The following GMDS variants were observed in gnomAD, a reference collection of about 807,000 sequenced individuals.
GMDS encodes the protein GDP-mannose 4,6-dehydratase, also known as GDP-mannose 4,6 dehydratase.
Under a neutral mutation model 49.9 loss-of-function variants are expected in GMDS, and 20 were observed. The observed-to-expected ratio is 0.40, with a 90% CI of 0.28 to 0.58. The LOEUF is 0.58. GMDS is among the 20% of genes least tolerant of loss of function. GMDS has a pLI of 0.42. For missense variants in GMDS, 362 were observed against 481.4 expected, an observed-to-expected ratio of 0.75 and a Z score of 2.32; for synonymous variants, 177 against 178.6, an observed-to-expected ratio of 0.99 and a Z score of 0.07.
At chr6:2,182,935 T>C (rs1005276354) in intron 1 of GMDS, among the ~76,000 whole-genome samples, 9 of 152,306 alleles carry the variant, frequency 5.9e-5, no homozygotes, top group Admixed American at 5.9e-4. Context: ...CTCAAGCTCC[T>C]GGGCTCAAAC....
intron 7 of GMDS, among the ~76,000 whole-genome samples, chr6:1,798,237 G>GCACACACACA (rs70992103): frequency 3.5e-5 from 5 of 143,448 alleles, no homozygotes; most frequent in African/African-American, 1.0e-4. Context: ...TAATTACAGA[G>GCACACACACA]CACACACACA....
intron 4 of GMDS, among the ~76,000 whole-genome samples, chr6:2,003,441 C>T (rs1316973242): frequency 1.3e-5 from 2 of 152,080 alleles, no homozygotes; most frequent in African/African-American, 4.8e-5. Context: ...AAACAATCTG[C>T]CCATTAAACC....
At chr6:1,701,047 T>C (rs1378979163) in intron 9 of GMDS, among the ~76,000 whole-genome samples, 2 of 152,186 alleles carry the variant, frequency 1.3e-5, no homozygotes, top group African/African-American at 4.8e-5. Context: ...TTCAGGAATC[T>C]TTAGGTAATT....
At chr6:1,797,562 T>A (rs1273003123) in intron 7 of GMDS, among the ~76,000 whole-genome samples, 1 of 152,212 alleles carries the variant, frequency 6.6e-6, no homozygotes, top group African/African-American at 2.4e-5. Flanking sequence ...ACTAACATTT[T>A]AAAATAGTCA....
chr6:2,011,374 GA>G (rs1767548035), intron 4 of GMDS, among the ~76,000 whole-genome samples: 1 of 152,056 alleles, frequency 6.6e-6, no homozygotes, highest in Admixed American at 6.5e-5. Context: ...CAACTTATAT[GA>G]AAAACAGTAT....
chr6:1,950,055 T>G (rs1281131476), intron 6 of GMDS, among the ~76,000 whole-genome samples: 1 of 152,254 alleles, frequency 6.6e-6, no homozygotes, highest in Admixed American at 6.5e-5. Context: ...ATTCAGTAAT[T>G]TTTTAAAGAT....
chr6:1,808,103 C>T (rs184677135), intron 7 of GMDS, among the ~76,000 whole-genome samples: 2 of 152,338 alleles, frequency 1.3e-5, no homozygotes, highest in African/African-American at 2.4e-5. Context: ...CCTGATTAAA[C>T]TGATAACTTC....
chr6:2,080,409 T>G (rs1394322601), intron 4 of GMDS, among the ~76,000 whole-genome samples: 2 of 152,212 alleles, frequency 1.3e-5, no homozygotes, highest in African/African-American at 2.4e-5. Context: ...CATCCTTATG[T>G]TGCTACTTGG....
rs927960634 is a variant in GMDS, at chr6:1,640,241, C to G, written c.988-15701G>C. Among the ~76,000 whole-genome samples the G allele has an allele frequency of 6.6e-6, 1 of 152,188 alleles. No individual in the cohort carries two copies. The highest frequency in any genetic ancestry group is 1.9e-4 in the East Asian group (1 of 5,192). The stretch of plus-strand genomic sequence containing the variant: ...CTGCCCTCCTCATGCAGTTGGTTCC[C>G]GACAGCCTGGAATATGCTTCCTCTT... On this transcript the variant is annotated intron_variant, in intron 9 of 10. Coordinates refer to ENST00000380815, the MANE Select transcript of GMDS (RefSeq NM_001500.4). This position sits in a 1 kb window ranked among gnomAD's most constrained non-coding sequence, Gnocchi z 4.0.
intron 7 of GMDS, among the ~76,000 whole-genome samples, chr6:1,852,149 G>T (rs139502037): frequency 3.3e-4 from 51 of 152,334 alleles, no homozygotes; most frequent in African/African-American, 1.2e-3. Context: ...CCGCAGTTTT[G>T]CTGGCAACTC....
chr6:1,753,234 G>A (rs1195101792), intron 7 of GMDS, among the ~76,000 whole-genome samples: 1 of 151,956 alleles, frequency 6.6e-6, no homozygotes, highest in Non-Finnish European at 1.5e-5. Context: ...AAAGCAGGGG[G>A]TGCAATCCTA....
intron 7 of GMDS, among the ~76,000 whole-genome samples, chr6:1,754,805 A>T (rs1332433787): frequency 6.6e-6 from 1 of 152,242 alleles, no homozygotes; most frequent in Non-Finnish European, 1.5e-5. Flanking sequence ...AGATGCAGAA[A>T]GGGCCTTCGA....
intron 9 of GMDS, among the ~76,000 whole-genome samples, chr6:1,671,666 CTTTTTT>C (rs35355483): frequency 7.5e-6 from 1 of 132,820 alleles, no homozygotes; most frequent in Non-Finnish European, 1.6e-5. Flanking sequence ...CTTTTAATTA[CTTTTTT>C]TTTTTTTTTT....
intron 9 of GMDS, among the ~76,000 whole-genome samples, chr6:1,674,721 T>C (rs1318945063): frequency 1.3e-5 from 2 of 150,686 alleles, no homozygotes; most frequent in African/African-American, 2.4e-5. Context: ...CTAATTTTTT[T>C]TTTTTTTTAA....
intron 7 of GMDS, among the ~76,000 whole-genome samples, chr6:1,857,146 C>T (rs1337483176): frequency 2.6e-5 from 4 of 152,160 alleles, no homozygotes; most frequent in African/African-American, 9.7e-5. Flanking sequence ...ATGTTGACTC[C>T]ACTACCAAGT....
intron 6 of GMDS, among the ~76,000 whole-genome samples, chr6:1,944,232 C>T (rs933093530): frequency 2.6e-5 from 4 of 152,102 alleles, no homozygotes; most frequent in African/African-American, 4.8e-5. Flanking sequence ...CTCAGCTGGG[C>T]GTTGGGGCTC....
chr6:2,009,477 G>A (rs901563674), intron 4 of GMDS, among the ~76,000 whole-genome samples: 2 of 152,176 alleles, frequency 1.3e-5, no homozygotes, highest in African/African-American at 4.8e-5. Flanking sequence ...AAGCAGACTA[G>A]AATCCAAGAT....
At chr6:2,080,945 G>A (rs1055742678) in intron 4 of GMDS, among the ~76,000 whole-genome samples, 16 of 152,110 alleles carry the variant, frequency 1.1e-4, no homozygotes, top group East Asian at 3.9e-4. Context: ...CTACAAGATC[G>A]CAATTTCATA....
intron 9 of GMDS, among the ~76,000 whole-genome samples, chr6:1,639,939 T>C (rs1398820828): frequency 6.6e-6 from 1 of 152,206 alleles, no homozygotes; most frequent in Admixed American, 6.5e-5. Context: ...TGCCACTTAC[T>C]TCCTGGATGC....
Sources: allele counts gnomAD v4.1 joint callset (sites outside exome capture counted in the v4.1 genomes callset), GRCh38; gene constraint gnomAD v4.1.1; non-coding constraint Gnocchi (gnomAD v3.1); transcripts MANE v1.5; gene names NCBI Gene and HGNC (gene_info 2026-07-23, HGNC 2026-07-21).